Variants in ADAMTSL4 observed in about 807,000 individuals in gnomAD.
ADAMTSL4 encodes the protein ADAMTS like 4.
Under a neutral mutation model 122.8 loss-of-function variants are expected in ADAMTSL4, and 97 were observed. That is an observed-to-expected ratio of 0.79 (90% CI 0.67 to 0.93). ADAMTSL4 has a LOEUF of 0.93. Among genes scored for constraint, ADAMTSL4 ranks in the 40% least tolerant of loss-of-function variants. ADAMTSL4 has a pLI of 0.00. For synonymous variants in ADAMTSL4, 592 were observed against 568.0 expected, an observed-to-expected ratio of 1.04 and a Z score of -0.60; for missense variants, 1,408 against 1,453.5, an observed-to-expected ratio of 0.97 and a Z score of 0.51.
rs774821764 is a variant in ADAMTSL4 at position 150,556,020 on chromosome 1, G to A, written c.1372-142G>A. The A allele has an allele frequency of 1.4e-4, 118 of 828,106 alleles. No homozygotes were observed. Among genetic ancestry groups the A allele is most frequent in the Non-Finnish European group, 2.2e-4 (112 of 503,720 alleles). The allele number at this position is 828,106 out of a possible 1,614,324, so 51.3% of individuals were successfully genotyped here. A position where few individuals can be genotyped will look rare whatever the true frequency, so the allele number is the denominator to read the frequency against. On this transcript the variant is annotated intron_variant, in intron 8 of 18. Coordinates refer to ENST00000271643, the MANE Select transcript of ADAMTSL4 (RefSeq NM_019032.6). This position sits in a 1 kb window ranked among gnomAD's most constrained non-coding sequence, Gnocchi z 4.1. Reference sequence around the variant, plus strand: ...GCACCTGTCCATGTCCCTGGGTCTGGCTGGGGATGGTGGGGCTGTTTTTGT... The same window carrying A: ...GCACCTGTCCATGTCCCTGGGTCTGACTGGGGATGGTGGGGCTGTTTTTGT...
At position 150,560,298 on chromosome 1, in the gene ADAMTSL4, C is replaced by G. The variant is rs1452756261; in HGVS notation, c.*102C>G. On this transcript the variant is annotated 3_prime_UTR_variant, in exon 19 of 19. Transcript: ENST00000271643. ...GCTCTCCAGCCTGTCCCAGTCTCAG[C>G]AGGGATGTCCTCCAGGTGACAGAGG... is the stretch of plus-strand genomic sequence containing the variant. 2.6e-6 allele frequency: 4 copies of G among 1,526,284 alleles called. No individual in the cohort carries two copies. The highest frequency in any genetic ancestry group is 3.5e-6 in the Non-Finnish European group (4 of 1,128,616). The allele number at this position is 1,526,284 out of a possible 1,614,324, so 94.5% of individuals were successfully genotyped here.
In ADAMTSL4 at chr1:150,556,091, C is replaced by T. The variant is rs1017578282; in HGVS notation, c.1372-71C>T. ...AAGCAGGGTAGTGAGCTGAGGCTCC[C>T]GAGGGGACCGGGGTGGGGTTGAGGT... On this transcript the variant is annotated intron_variant, in intron 8 of 18. Transcript: ENST00000271643. The surrounding 1 kb of genome is among the most constrained non-coding windows in gnomAD (Gnocchi z 4.1). The T allele has an allele frequency of 4.5e-5, 70 of 1,565,572 alleles. No homozygotes were observed. Among genetic ancestry groups the T allele is most frequent in the Middle Eastern group, 2.2e-4 (1 of 4,580 alleles).
chr1:150,555,356 C>G, intron 7 of ADAMTSL4, 73 bp from the exon 8 acceptor site: 1 of 1,594,014 alleles, frequency 6.3e-7, no homozygotes, highest in Non-Finnish European at 8.6e-7. Context: ...CCTCAAGGTG[C>G]CCCCTCTGGG....
rs1327368421 is a variant in ADAMTSL4, at chr1:150,559,973, G to C, written c.3088+68G>C. The C allele has an allele frequency of 3.1e-6, 5 of 1,613,852 alleles. No individual in the cohort carries two copies. The highest frequency in any genetic ancestry group is 3.3e-5 in the Admixed American group (2 of 60,020). On this transcript the variant is annotated intron_variant, in intron 18 of 18. Transcript: ENST00000271643. This position sits in a 1 kb window ranked among gnomAD's most constrained non-coding sequence, Gnocchi z 4.1. ...CTGAAGTATGGGAGGAGATGAGAAA[G>C]GACCAGTGGGAATGGGCAGCACACC...
chr1:150,556,199 G>A lies in ADAMTSL4; in HGVS notation c.1409G>A (p.Arg470His), dbSNP rs137999265. 80 of 1,614,044 alleles carry A rather than the reference G, an allele frequency of 5.0e-5. No homozygotes were observed. The highest frequency in any genetic ancestry group is 6.7e-5 in the East Asian group (3 of 44,896). ...GATGGGATCCTTGGCTCTGGCAGGCGTCCTGATGGCTGTGGAGTCTGTGGG... is the reference window on the plus strand; with the variant it reads ...GATGGGATCCTTGGCTCTGGCAGGCATCCTGATGGCTGTGGAGTCTGTGGG... ...GCDGILGSGRRPDGCGVCGGD... is the reference protein window; with the variant it reads ...GCDGILGSGRHPDGCGVCGGD... Residue 470 changes from arginine (R) to histidine (H), a missense_variant, in exon 9 of 19, where the codon CGT (arginine) becomes CAT (histidine). Transcript: ENST00000271643. This position sits in a 1 kb window ranked among gnomAD's most constrained non-coding sequence, Gnocchi z 4.1.
At position 150,560,190 on chromosome 1, in the gene ADAMTSL4, C is replaced by T; in HGVS notation, c.3219C>T (p.Pro1073=). Residue 1073 remains proline, a synonymous_variant, in exon 19 of 19, where the codon CCC becomes CCT. Transcript: ENST00000271643. ...AHVLERSPQD[P]S ...TCCTGGAGCGGTCTCCCCAGGATCCCTCCTGAAAGGGGTCCGGGGCACCTT... is the reference window on the plus strand; with the variant it reads ...TCCTGGAGCGGTCTCCCCAGGATCCTTCCTGAAAGGGGTCCGGGGCACCTT... 1 of 1,614,056 alleles carries T rather than the reference C, an allele frequency of 6.2e-7. No homozygotes were observed. Among genetic ancestry groups the T allele is most frequent in the Non-Finnish European group, 8.5e-7 (1 of 1,179,996 alleles).
chr1:150,557,072 T>G, intron 11 of ADAMTSL4, 22 bp downstream of exon 11: 1 of 1,611,886 alleles, frequency 6.2e-7, no homozygotes, highest in Non-Finnish European at 8.5e-7. Context: ...ACCCCTGCAC[T>G]TGGAAGGAGG....
rs745841113 is a variant in ADAMTSL4, at chr1:150,557,248, C to T, written c.1960C>T (p.Pro654Ser). 4.5e-5 allele frequency: 73 copies of T among 1,611,482 alleles called. 1 individual carries two copies. The South Asian group carries it at 7.2e-4, about 16-fold the overall frequency. ...GGTGCGGATCCCCCAGATGCCCGCC[C>T]CGCCCCATCCCAGGACACCCCTGGG... Reference protein sequence around the residue: ...RQVRIPQMPAPPHPRTPLGSP... With the variant: ...RQVRIPQMPASPHPRTPLGSP... Residue 654 changes from proline (P) to serine (S), a missense_variant, in exon 12 of 19, where the codon CCG becomes TCG. By Grantham distance (74) the Pro-to-Ser change is moderately conservative (BLOSUM62 -1). Coordinates refer to ENST00000271643, the MANE Select transcript of ADAMTSL4 (RefSeq NM_019032.6).
rs1291879483 is a variant in ADAMTSL4, at chr1:150,556,225, G to A, written c.1435G>A (p.Gly479Ser). 1.2e-6 allele frequency: 2 copies of A among 1,614,052 alleles called. No individual in the cohort carries two copies. The highest frequency in any genetic ancestry group is 1.3e-5 in the African/African-American group (1 of 74,926). Reference sequence around the variant, plus strand: ...TCCTGATGGCTGTGGAGTCTGTGGGGGTGATGATTCTACCTGTCGCCTTGT... The same window carrying A: ...TCCTGATGGCTGTGGAGTCTGTGGGAGTGATGATTCTACCTGTCGCCTTGT... The part of the protein sequence containing the change: ...RRPDGCGVCG[G>S]DDSTCRLVSG... Residue 479 changes from glycine to serine, a missense_variant, in exon 9 of 19, where the codon GGT becomes AGT. Gly to Ser is a moderately conservative substitution (Grantham distance 56). Transcript: ENST00000271643. The surrounding 1 kb of genome is among the most constrained non-coding windows in gnomAD (Gnocchi z 4.1).
chr1:150,555,879 GCACA>G, intron 8 of ADAMTSL4: 2 of 602,258 alleles, frequency 3.3e-6, no homozygotes, highest in South Asian at 3.8e-5. Flanking sequence ...ATGCACACAT[GCACA>G]CACACGTATT....
At position 150,557,024 on chromosome 1, in the gene ADAMTSL4, A is replaced by G. The variant is rs2101632629; in HGVS notation, c.1835A>G (p.Glu612Gly). The change falls in exon 11 of 19, where the codon GAG (glutamate) becomes GGG (glycine). Residue 612 changes from glutamate to glycine, a missense_variant. Glu to Gly is a moderately conservative substitution (Grantham distance 98, BLOSUM62 -2). Coordinates refer to ENST00000271643, the MANE Select transcript of ADAMTSL4 (RefSeq NM_019032.6). The part of the protein sequence containing the change: ...PPPILENPTP[E>G]PPVPQLQPEI... ...CCAATCCTTGAGAACCCCACCCCAG[A>G]GCCCCCTGTCCCCCAGCTTCAGCCG... is the stretch of plus-strand genomic sequence containing the variant. 2.5e-6 allele frequency: 4 copies of G among 1,613,872 alleles called. No homozygotes were observed. The Admixed American group carries it at 6.7e-5, about 27-fold the overall frequency.
Position 150,556,680 on chromosome 1 carries a change from G to T in ADAMTSL4, c.1636G>T (p.Gly546Trp), listed in dbSNP as rs1013708906. ...INGNWAVDPP[G>W]SYRAGGTVFR... ...TGGGAACTGGGCTGTGGATCCCCCT[G>T]GGTCCTACAGGGCCGGCGGGACCGT... Residue 546 changes from glycine to tryptophan, a missense_variant, in exon 10 of 19, where the codon GGG becomes TGG. Gly to Trp is a radical substitution (Grantham distance 184, BLOSUM62 -2). Transcript: ENST00000271643. The surrounding 1 kb of genome is among the most constrained non-coding windows in gnomAD (Gnocchi z 4.1). The T allele has an allele frequency of 1.2e-6, 2 of 1,614,036 alleles. No individual in the cohort carries two copies. The highest frequency in any genetic ancestry group is 4.5e-5 in the East Asian group (2 of 44,870).
In ADAMTSL4 at chr1:150,553,771, A is replaced by G. The variant is rs777313892; in HGVS notation, c.780A>G (p.Thr260=). Residue 260 remains threonine, a synonymous_variant, in exon 6 of 19, where the codon ACA becomes ACG. Transcript: ENST00000271643. ...ACCCCAGAGCCCAGGCCTCTGGCAC[A>G]GAGCCCCCCTCACCCACGCACTCCT... The part of the protein sequence containing the change: ...RHHPRAQASG[T]EPPSPTHSLG... 29 of 1,613,244 alleles carry G rather than the reference A, an allele frequency of 1.8e-5. No individual in the cohort carries two copies. The highest frequency in any genetic ancestry group is 2.2e-5 in the Non-Finnish European group (26 of 1,179,640).
At chr1:150,555,293 C>A in intron 7 of ADAMTSL4, 136 bp from the exon 8 acceptor site, 1 of 1,149,938 alleles carries the variant, frequency 8.7e-7, no homozygotes, top group African/African-American at 1.5e-5. Context: ...CGGCCCTGAC[C>A]ACCTCAGCTT....
intron 13 of ADAMTSL4, 96 bp downstream of exon 13, chr1:150,557,719 T>C: frequency 1.4e-6 from 2 of 1,424,508 alleles, no homozygotes; most frequent in Non-Finnish European, 1.9e-6. Flanking sequence ...ACGCAACATC[T>C]CCTGGCTGCA....
chr1:150,556,892 C>T lies in ADAMTSL4; in HGVS notation c.1750-47C>T. ...AGATGGGAGAGAGAGCTGGTGGCAT[C>T]CTCTTCTGGCCACCCCCACATATTC... On this transcript the variant is annotated intron_variant, in intron 10 of 18. Transcript: ENST00000271643. This position sits in a 1 kb window ranked among gnomAD's most constrained non-coding sequence, Gnocchi z 4.1. The T allele has an allele frequency of 6.2e-7, 1 of 1,605,032 alleles. No homozygotes were observed. The highest frequency in any genetic ancestry group is 1.7e-4 in the Middle Eastern group (1 of 6,038).
At position 150,559,131 on chromosome 1, in the gene ADAMTSL4, G is replaced by A; in HGVS notation, c.2729G>A (p.Arg910Lys). The A allele has an allele frequency of 6.2e-7, 1 of 1,612,912 alleles. No individual in the cohort carries two copies. Among genetic ancestry groups the A allele is most frequent in the Middle Eastern group, 1.7e-4 (1 of 6,058 alleles). Residue 910 changes from arginine to lysine, a missense_variant, in exon 16 of 19, where the codon AGA becomes AAA. Physicochemically the swap from Arg to Lys is conservative, Grantham distance 26 (BLOSUM62 2). Coordinates refer to ENST00000271643, the MANE Select transcript of ADAMTSL4 (RefSeq NM_019032.6). The surrounding 1 kb of genome is among the most constrained non-coding windows in gnomAD (Gnocchi z 4.1). ...MRACSLGPCERTWRWYTGPWG... is the reference protein window; with the variant it reads ...MRACSLGPCEKTWRWYTGPWG... ...GCCTGCAGCCTGGGGCCCTGTGAGA[G>A]AACTTGGCGCTGGTACACAGGGCCC...
chr1:150,557,859 A>G, intron 13 of ADAMTSL4, 86 bp from the exon 14 acceptor site: 1 of 1,507,770 alleles, frequency 6.6e-7, no homozygotes, highest in East Asian at 2.4e-5. Context: ...CCCCACGTCC[A>G]GTGTGTCTTC....
rs753373488 is a variant in ADAMTSL4, at chr1:150,554,408, C to T, written c.1175C>T (p.Ala392Val). 23 of 1,613,960 alleles carry T rather than the reference C, an allele frequency of 1.4e-5. No homozygotes were observed. The highest frequency in any genetic ancestry group is 1.7e-4 in the Middle Eastern group (1 of 6,002). ...CCAGACCCCCGGGCCCTGCAGTGCG[C>T]AGCCTTTAACTCCCAGGAATTCATG... ...EQPDPRALQCAAFNSQEFMGQ... is the reference protein window; with the variant it reads ...EQPDPRALQCVAFNSQEFMGQ... The change falls in exon 7 of 19, where the codon GCA becomes GTA. Residue 392 changes from alanine (A) to valine (V), a missense_variant. Transcript: ENST00000271643. The surrounding 1 kb of genome is among the most constrained non-coding windows in gnomAD (Gnocchi z 4.0).
Sources: gnomAD v4.1 joint callset for allele counts on GRCh38, gnomAD v4.1.1 for gene constraint, Gnocchi (gnomAD v3.1) non-coding constraint, MANE v1.5 for transcripts, NCBI Gene and HGNC (gene_info 2026-07-23, HGNC 2026-07-21) for gene names.